The following CPNE9 variants were observed in gnomAD, a reference collection of about 807,000 sequenced individuals.
The protein encoded by CPNE9 is copine-9.
CPNE9 carries 59 observed loss-of-function variants against 83.0 expected under a neutral mutation model. The observed-to-expected ratio is 0.71, with a 90% confidence interval of 0.58 to 0.88. CPNE9 has a LOEUF of 0.88. Among genes scored for constraint, CPNE9 ranks in the 40% least tolerant of loss-of-function variants. The pLI, the probability that CPNE9 is intolerant of heterozygous loss-of-function variation, is 0.00. For missense variants in CPNE9, 619 were observed against 720.8 expected (o/e 0.86, Z 1.62); for synonymous variants, 256 against 273.4 (o/e 0.94, Z 0.63).
chr3:9,706,186 TC>T, intron 7 of CPNE9, 123 bp downstream of exon 7: 1 of 814,912 alleles, frequency 1.2e-6, no homozygotes, highest in Non-Finnish European at 2.0e-6. Flanking sequence ...CTGCCCCGGC[TC>T]CCATCACCCT....
intron 20 of CPNE9, 82 bp from the exon 21 acceptor site, chr3:9,729,425 T>G: frequency 6.7e-7 from 1 of 1,486,516 alleles, no homozygotes; most frequent in Non-Finnish European, 9.0e-7. Context: ...ATGCTGGGGA[T>G]CAAAAAAGAA....
chr3:9,721,472 C>A, intron 17 of CPNE9, among the ~76,000 whole-genome samples: 1 of 152,142 alleles, frequency 6.6e-6, no homozygotes, highest in East Asian at 1.9e-4. Flanking sequence ...CTAGCTTTAT[C>A]CAGCAGATCA....
Position 9,704,807 on chromosome 3 carries a change from AG to A in CPNE9, c.156+13del. 6.2e-7 allele frequency: 1 copy of A among 1,603,682 alleles called. No homozygotes were observed. The highest frequency in any genetic ancestry group is 8.5e-7 in the Non-Finnish European group (1 of 1,175,988). ...AGGAGTGGCGGGAGGTGAGTCCCAG[AG>A]CCCCCTCCCGGCCCAGGGCGTCGCC... On this transcript the variant is annotated intron_variant, in intron 3 of 20. Coordinates refer to ENST00000383832, the MANE Select transcript of CPNE9 (RefSeq NM_153635.3). The surrounding 1 kb of genome is among the most constrained non-coding windows in gnomAD (Gnocchi z 7.1).
At chr3:9,724,463 A>G (rs927798677) in intron 17 of CPNE9, among the ~76,000 whole-genome samples, 7 of 152,170 alleles carry the variant, frequency 4.6e-5, no homozygotes, top group Non-Finnish European at 8.8e-5. Context: ...GCTCATATAT[A>G]AACATCAAAA....
At chr3:9,718,320 C>A in intron 16 of CPNE9, 110 bp downstream of exon 16, 1 of 1,379,312 alleles carries the variant, frequency 7.2e-7, no homozygotes. Flanking sequence ...GAACAGGAAG[C>A]TATGAGAGGA....
chr3:9,727,540 C>G (rs982752863), intron 20 of CPNE9: 3 of 634,430 alleles, frequency 4.7e-6, no homozygotes, highest in Non-Finnish European at 8.5e-6. Flanking sequence ...GTACAGTAGT[C>G]AGGAAAGGGT....
chr3:9,709,300 GAAAGA>G (rs1213064564), intron 7 of CPNE9, among the ~76,000 whole-genome samples: 2 of 145,634 alleles, frequency 1.4e-5, no homozygotes, highest in Admixed American at 1.4e-4. Context: ...AAAGAAAAAA[GAAAGA>G]AAAGAAAAGA....
chr3:9,727,171 G>A lies in CPNE9; in HGVS notation c.1461G>A (p.Glu487=), dbSNP rs2076792150. Residue 487 remains glutamate (E), a synonymous_variant, in exon 20 of 21, where the codon GAG becomes GAA. Transcript: ENST00000383832. ...TGTCCTCTAGGGGACGCTACGCAGA[G>A]CGGGACATCGTTCAGGTAGACCTGA... ...VRVSSRGRYA[E]RDIVQFVPFR... is the part of the protein sequence containing the mutation. 1.2e-6 allele frequency: 2 copies of A among 1,614,104 alleles called. No individual in the cohort carries two copies.
chr3:9,714,756 G>A (rs2076664457), intron 10 of CPNE9, among the ~76,000 whole-genome samples, 158 bp from the exon 11 acceptor site: 1 of 151,742 alleles, frequency 6.6e-6, no homozygotes, highest in Non-Finnish European at 1.5e-5. Context: ...ACAGACTGAT[G>A]AATGAATAGA....
chr3:9,703,875 C>T lies in CPNE9; in HGVS notation c.-122C>T, dbSNP rs1014385029. On this transcript the variant is annotated 5_prime_UTR_variant, in exon 1 of 21. Transcript: ENST00000383832. ...GGCTGGAGCGCACGCAGGGCTGGAGCGAGTGCAGCCGCCGCCGCCGCCGAC... is the reference window on the plus strand; with the variant it reads ...GGCTGGAGCGCACGCAGGGCTGGAGTGAGTGCAGCCGCCGCCGCCGCCGAC... 4 of 730,752 alleles carry T rather than the reference C, an allele frequency of 5.5e-6. No individual in the cohort carries two copies. Among genetic ancestry groups the T allele is most frequent in the Non-Finnish European group, 2.1e-6 (1 of 484,906 alleles). The allele number at this position is 730,752 out of a possible 1,614,324, so 45.3% of individuals were successfully genotyped here.
Position 9,704,654 on chromosome 3 carries a change from G to A in CPNE9, c.109+27G>A. Reference sequence around the variant, plus strand: ...TAGGCGGCTCCAGGACCGGGAGGGGGAACTTGGGGTCTGGGCGCGACTCAG... The same window carrying A: ...TAGGCGGCTCCAGGACCGGGAGGGGAAACTTGGGGTCTGGGCGCGACTCAG... On this transcript the variant is annotated intron_variant, in intron 2 of 20. Coordinates refer to ENST00000383832, the MANE Select transcript of CPNE9 (RefSeq NM_153635.3). The surrounding 1 kb of genome is among the most constrained non-coding windows in gnomAD (Gnocchi z 7.1). The A allele has an allele frequency of 6.2e-7, 1 of 1,613,076 alleles. No individual in the cohort carries two copies. The highest frequency in any genetic ancestry group is 8.5e-7 in the Non-Finnish European group (1 of 1,179,072).
rs200458172 is a variant in CPNE9, at chr3:9,704,658, T to G, written c.109+31T>G. On this transcript the variant is annotated intron_variant, in intron 2 of 20. Coordinates refer to ENST00000383832, the MANE Select transcript of CPNE9 (RefSeq NM_153635.3). This position sits in a 1 kb window ranked among gnomAD's most constrained non-coding sequence, Gnocchi z 7.1. The stretch of plus-strand genomic sequence containing the variant: ...CGGCTCCAGGACCGGGAGGGGGAAC[T>G]TGGGGTCTGGGCGCGACTCAGGGGC... 4.3e-6 allele frequency: 7 copies of G among 1,613,154 alleles called. No homozygotes were observed. In the Admixed American group the frequency reaches 1.2e-4, roughly 27 times the overall value.
Position 9,706,015 on chromosome 3 carries a change from T to C in CPNE9, c.329T>C (p.Leu110Pro). ...TTCCTGGGACAAGCGTTCCTGGCCC[T>C]GGGAGAGGTGATTGGAGGCCAGGGC... Reference protein sequence around the residue: ...KDFLGQAFLALGEVIGGQGSR... With the variant: ...KDFLGQAFLAPGEVIGGQGSR... Residue 110 changes from leucine to proline, a missense_variant, in exon 7 of 21, where the codon CTG becomes CCG. Physicochemically the swap from Leu to Pro is moderately conservative, Grantham distance 98. This residue lies in a region of CPNE9 where 438 missense variants were observed against 562.9 expected (regional missense o/e 0.78). Coordinates refer to ENST00000383832, the MANE Select transcript of CPNE9 (RefSeq NM_153635.3). 6.2e-7 allele frequency: 1 copy of C among 1,613,658 alleles called. No homozygotes were observed.
In CPNE9 at chr3:9,704,156, C is replaced by A; in HGVS notation, c.68+92C>A. ...TCAGCCTGGGCAGGGGCTAGACCCC[C>A]GGGGAGAGGCGAAATTGGCTGGAAA... On this transcript the variant is annotated intron_variant, in intron 1 of 20. Transcript: ENST00000383832. The surrounding 1 kb of genome is among the most constrained non-coding windows in gnomAD (Gnocchi z 7.1). The A allele has an allele frequency of 8.4e-7, 1 of 1,189,144 alleles. No homozygotes were observed. Among genetic ancestry groups the A allele is most frequent in the Non-Finnish European group, 1.2e-6 (1 of 843,986 alleles). The allele number at this position is 1,189,144 out of a possible 1,614,324, so 73.7% of individuals were successfully genotyped here.
rs2076534780 is a variant in CPNE9 at position 9,704,194 on chromosome 3, G to A, written c.68+130G>A. ...AATTGGCTGGAAAATCACAGCTGAT[G>A]ACAGGGCGAGTAGCTGGTGGGATCG... On this transcript the variant is annotated intron_variant, in intron 1 of 20. Transcript: ENST00000383832. This position sits in a 1 kb window ranked among gnomAD's most constrained non-coding sequence, Gnocchi z 7.1. The A allele has an allele frequency of 1.2e-6, 1 of 849,006 alleles. No homozygotes were observed. The highest frequency in any genetic ancestry group is 1.8e-6 in the Non-Finnish European group (1 of 548,800). 52.6% of individuals were successfully genotyped at this position (849,006 alleles called of 1,614,324 possible).
At chr3:9,715,162 A>G in intron 11 of CPNE9, 127 bp from the exon 12 acceptor site, 1 of 1,103,034 alleles carries the variant, frequency 9.1e-7, no homozygotes. Context: ...GGCCTCCCTT[A>G]TGGCCCCAGC....
At chr3:9,716,971 G>C in intron 14 of CPNE9, 87 bp from the exon 15 acceptor site, 2 of 1,386,170 alleles carry the variant, frequency 1.4e-6, no homozygotes, top group South Asian at 2.4e-5. Context: ...TGAGCCCCAC[G>C]TGATCCATAT....
At chr3:9,709,659 C>A (rs1252452793) in intron 7 of CPNE9, among the ~76,000 whole-genome samples, 1 of 151,928 alleles carries the variant, frequency 6.6e-6, no homozygotes, top group South Asian at 2.1e-4. Flanking sequence ...TGAGCTGCCA[C>A]GCCTAGCCAA....
chr3:9,713,419 T>C (rs1001716511), intron 10 of CPNE9, among the ~76,000 whole-genome samples: 10 of 151,982 alleles, frequency 6.6e-5, no homozygotes, highest in Non-Finnish European at 8.8e-5. Flanking sequence ...TATGAGTGAA[T>C]TGATGGGTGG....
Sources: allele counts gnomAD v4.1 joint callset (sites outside exome capture counted in the v4.1 genomes callset), GRCh38; gene constraint gnomAD v4.1.1; regional missense constraint gnomAD v4.1.1; non-coding constraint Gnocchi (gnomAD v3.1); transcripts MANE v1.5; gene names NCBI Gene and HGNC (gene_info 2026-07-23, HGNC 2026-07-21).